The following HS3ST4 variants were observed in gnomAD, a reference collection of about 807,000 sequenced individuals.
The protein encoded by HS3ST4 is heparan sulfate glucosamine 3-O-sulfotransferase 4.
Under a neutral mutation model 29.2 loss-of-function variants are expected in HS3ST4, and 17 were observed. That is an observed-to-expected ratio of 0.58 (90% CI 0.40 to 0.87). The LOEUF is 0.87. Ranked by LOEUF, HS3ST4 falls within the 40% of genes least tolerant of loss-of-function variation. The pLI is 0.00. For missense variants in HS3ST4, 627 were observed against 634.5 expected, an observed-to-expected ratio of 0.99 and a Z score of 0.13; for synonymous variants, 314 against 285.7, an observed-to-expected ratio of 1.10 and a Z score of -1.00.
At chr16:26,024,789 T>C (rs1449741200) in intron 1 of HS3ST4, among the ~76,000 whole-genome samples, 1 of 152,196 alleles carries the variant, frequency 6.6e-6, no homozygotes, top group African/African-American at 2.4e-5. Flanking sequence ...TTTAATGATC[T>C]TTATCCTTTG....
chr16:25,772,625 T>G (rs558797456), intron 1 of HS3ST4, among the ~76,000 whole-genome samples: 52 of 152,308 alleles, frequency 3.4e-4, no homozygotes, highest in African/African-American at 1.2e-3. Flanking sequence ...GCCTTTCAAC[T>G]GAAACATGGA....
intron 1 of HS3ST4, among the ~76,000 whole-genome samples, chr16:25,924,791 G>A (rs75057832): frequency 0.077 from 11,668 of 152,156 alleles, 569 homozygotes; most frequent in Non-Finnish European, 0.096. Flanking sequence ...TTCTGTGTTG[G>A]TGTCTGGACT....
At chr16:25,800,254 A>C (rs1412421740) in intron 1 of HS3ST4, among the ~76,000 whole-genome samples, 1 of 152,162 alleles carries the variant, frequency 6.6e-6, no homozygotes, top group African/African-American at 2.4e-5. Flanking sequence ...GTTGAATAGA[A>C]TGTTTGAAAC....
chr16:25,773,324 G>A (rs1181673204), intron 1 of HS3ST4, among the ~76,000 whole-genome samples: 1 of 152,172 alleles, frequency 6.6e-6, no homozygotes, highest in Non-Finnish European at 1.5e-5. Context: ...TATGTCCTGG[G>A]AGTGGGGTCT....
chr16:25,817,206 G>A (rs867888965), intron 1 of HS3ST4, among the ~76,000 whole-genome samples: 1 of 152,166 alleles, frequency 6.6e-6, no homozygotes, highest in African/African-American at 2.4e-5. Flanking sequence ...TGCCCAATGG[G>A]GCTGTTGATA....
chr16:25,948,823 G>A (rs1386131124), intron 1 of HS3ST4, among the ~76,000 whole-genome samples: 1 of 152,140 alleles, frequency 6.6e-6, no homozygotes, highest in African/African-American at 2.4e-5. Context: ...ACCACCTGAC[G>A]TGACCTCCGT....
intron 1 of HS3ST4, among the ~76,000 whole-genome samples, chr16:25,792,427 G>A (rs1374321883): frequency 1.3e-5 from 2 of 151,948 alleles, no homozygotes; most frequent in South Asian, 2.1e-4. Flanking sequence ...AGCTGTCAGG[G>A]CCTGGAAATG....
At chr16:25,957,422 C>G (rs980026759) in intron 1 of HS3ST4, among the ~76,000 whole-genome samples, 7 of 152,060 alleles carry the variant, frequency 4.6e-5, no homozygotes, top group Non-Finnish European at 7.4e-5. Flanking sequence ...ATAGCTCTCT[C>G]TCTCTCTTTT....
intron 1 of HS3ST4, among the ~76,000 whole-genome samples, chr16:25,954,748 G>C (rs1968712698): frequency 6.6e-6 from 1 of 152,070 alleles, no homozygotes; most frequent in East Asian, 1.9e-4. Context: ...GAGCATTTTG[G>C]AGTTCAGAAT....
intron 1 of HS3ST4, among the ~76,000 whole-genome samples, chr16:26,015,086 C>A (rs963486986): frequency 6.6e-6 from 1 of 152,146 alleles, no homozygotes; most frequent in Admixed American, 6.5e-5. Context: ...TGGAGTTAGC[C>A]AAGCTAGAGG....
At chr16:25,818,674 A>AT (rs1279279923) in intron 1 of HS3ST4, among the ~76,000 whole-genome samples, 1 of 152,236 alleles carries the variant, frequency 6.6e-6, no homozygotes, top group East Asian at 1.9e-4. Context: ...TTGATAAAAA[A>AT]TTAGGAAAGT....
At chr16:26,061,878 G>C (rs1898480051) in intron 1 of HS3ST4, among the ~76,000 whole-genome samples, 1 of 152,156 alleles carries the variant, frequency 6.6e-6, no homozygotes, top group Non-Finnish European at 1.5e-5. Context: ...AGGGAAAAGG[G>C]AAAAGAAGCT....
chr16:26,087,747 A>G (rs1898807308), intron 1 of HS3ST4, among the ~76,000 whole-genome samples: 1 of 152,202 alleles, frequency 6.6e-6, no homozygotes, highest in South Asian at 2.1e-4. Flanking sequence ...CAAAAAATTC[A>G]AAATCCAAAT....
At chr16:25,715,344 AAC>A (rs1361278918) in intron 1 of HS3ST4, among the ~76,000 whole-genome samples, 7 of 6,078 alleles carry the variant, frequency 1.2e-3, no homozygotes, top group Admixed American at 3.7e-3. Flanking sequence ...AAAAAAAAAA[AAC>A]CAAAAAAAAA....
chr16:26,020,085 C>T (rs1396271343), intron 1 of HS3ST4, among the ~76,000 whole-genome samples: 1 of 152,208 alleles, frequency 6.6e-6, no homozygotes, highest in East Asian at 1.9e-4. Context: ...CGGATCCCAC[C>T]TGTCTTGCCT....
chr16:25,807,627 A>G (rs964525490), intron 1 of HS3ST4, among the ~76,000 whole-genome samples: 3 of 152,156 alleles, frequency 2.0e-5, no homozygotes, highest in African/African-American at 7.2e-5. Flanking sequence ...TTTATTTACA[A>G]TTTTTTAGGT....
At chr16:25,841,787 G>A (rs1430562767) in intron 1 of HS3ST4, among the ~76,000 whole-genome samples, 1 of 152,104 alleles carries the variant, frequency 6.6e-6, no homozygotes, top group Non-Finnish European at 1.5e-5. Context: ...TCTGTGGGTG[G>A]TGTGGAGACT....
At chr16:25,830,038 T>C (rs1967277452) in intron 1 of HS3ST4, among the ~76,000 whole-genome samples, 1 of 152,106 alleles carries the variant, frequency 6.6e-6, no homozygotes, top group Non-Finnish European at 1.5e-5. Flanking sequence ...TTGCCCAGGC[T>C]GGTGTCGAGC....
At chr16:25,984,996 C>T (rs898301985) in intron 1 of HS3ST4, among the ~76,000 whole-genome samples, 1 of 152,198 alleles carries the variant, frequency 6.6e-6, no homozygotes, top group Admixed American at 6.5e-5. Flanking sequence ...GGTCTTAGCA[C>T]CATGTAGGCC....
Sources: gnomAD v4.1 joint callset for allele counts (sites outside exome capture counted in the v4.1 genomes callset) on GRCh38, gnomAD v4.1.1 for gene constraint, MANE v1.5 for transcripts, NCBI Gene and HGNC (gene_info 2026-07-23, HGNC 2026-07-21) for gene names.